RAP1GDS1: variants seen among roughly 807,000 people sequenced by gnomAD.
RAP1GDS1 encodes RAP1, GTP-GDP dissociation stimulator 1.
In RAP1GDS1, 35 loss-of-function variants were observed where a neutral mutation model predicts 71.1. The ratio of observed to expected loss-of-function variants is 0.49; its 90% CI spans 0.38 to 0.65. The LOEUF (loss-of-function observed/expected upper bound fraction) is 0.65. RAP1GDS1 is among the 30% of genes least tolerant of loss of function. The probability of loss-of-function intolerance (pLI) is 0.00; values close to 1 mark genes in which losing one functional copy is unlikely to be tolerated. For missense variants in RAP1GDS1, 663 were observed against 706.1 expected (o/e 0.94, Z 0.69); for synonymous variants, 229 against 243.1 (o/e 0.94, Z 0.54).
At chr4:98,439,238 T>C (rs960265883) in intron 14 of RAP1GDS1, among the ~76,000 whole-genome samples, 15 of 152,326 alleles carry the variant, frequency 9.8e-5, no homozygotes, top group African/African-American at 3.6e-4. Context: ...ACTTGAAAAC[T>C]ATTGTGCCAC....
intron 2 of RAP1GDS1, among the ~76,000 whole-genome samples, chr4:98,309,904 G>T (rs1014955480): frequency 6.6e-6 from 1 of 151,580 alleles, no homozygotes; most frequent in Non-Finnish European, 1.5e-5. Context: ...TATATAATGG[G>T]TTATATAATT....
intron 4 of RAP1GDS1, among the ~76,000 whole-genome samples, chr4:98,378,514 A>G (rs1194186970): frequency 6.6e-6 from 1 of 151,982 alleles, no homozygotes; most frequent in South Asian, 2.1e-4. Flanking sequence ...GTTACACCAT[A>G]TGGTTTTCTT....
intron 2 of RAP1GDS1, among the ~76,000 whole-genome samples, chr4:98,308,101 T>A (rs1384898074): frequency 6.6e-6 from 1 of 151,716 alleles, no homozygotes; most frequent in Non-Finnish European, 1.5e-5. Flanking sequence ...GAGACTAGCC[T>A]GGGCAGTAAA....
At chr4:98,399,155 T>C (rs1401870554) in intron 6 of RAP1GDS1, among the ~76,000 whole-genome samples, 1 of 152,054 alleles carries the variant, frequency 6.6e-6, no homozygotes, top group African/African-American at 2.4e-5. Flanking sequence ...CTTCAGGACA[T>C]TGGTCTAAGA....
At chr4:98,440,921 G>T (rs1051808362) in intron 14 of RAP1GDS1, among the ~76,000 whole-genome samples, 3 of 152,126 alleles carry the variant, frequency 2.0e-5, no homozygotes, top group African/African-American at 7.2e-5. Context: ...TCAAACTCCC[G>T]ACCTCAGGTG....
chr4:98,375,929 A>G (rs1390616942), intron 4 of RAP1GDS1, among the ~76,000 whole-genome samples: 1 of 152,056 alleles, frequency 6.6e-6, no homozygotes, highest in African/African-American at 2.4e-5. Context: ...CTTGTACCTG[A>G]TAATAGTGTT....
At chr4:98,372,483 T>C (rs1034084787) in intron 4 of RAP1GDS1, among the ~76,000 whole-genome samples, 18 of 152,218 alleles carry the variant, frequency 1.2e-4, no homozygotes, top group South Asian at 2.1e-4. Context: ...TGGCTTCTGA[T>C]GCCACTTTGT....
chr4:98,395,130 T>C (rs1744324067), intron 6 of RAP1GDS1, among the ~76,000 whole-genome samples: 1 of 152,166 alleles, frequency 6.6e-6, no homozygotes, highest in Admixed American at 6.5e-5. Flanking sequence ...TTGATGTACA[T>C]TCTTTTTAAA....
chr4:98,267,630 G>A (rs1722879813), intron 1 of RAP1GDS1, among the ~76,000 whole-genome samples: 1 of 152,128 alleles, frequency 6.6e-6, no homozygotes, highest in Non-Finnish European at 1.5e-5. Context: ...AATTTGCTTA[G>A]GATAGTGGCC....
chr4:98,293,374 G>T, intron 1 of RAP1GDS1, 34 bp from the exon 2 acceptor site: 1 of 1,425,608 alleles, frequency 7.0e-7, no homozygotes, highest in African/African-American at 1.4e-5. Flanking sequence ...TGGTCATAAG[G>T]TTGAGTTTCT....
At chr4:98,294,033 A>G (rs1727364844) in intron 2 of RAP1GDS1, among the ~76,000 whole-genome samples, 1 of 152,152 alleles carries the variant, frequency 6.6e-6, no homozygotes, top group Non-Finnish European at 1.5e-5. Flanking sequence ...ATCTTTTGAA[A>G]TTGGGGTAGG....
At position 98,276,057 on chromosome 4, in the gene RAP1GDS1, G is replaced by A. The variant is rs1230438164; in HGVS notation, c.4+14488G>A. 2.0e-5 allele frequency among the ~76,000 whole-genome samples: 3 copies of A among 152,030 alleles called. No individual in the cohort carries two copies. The East Asian group carries it at 5.8e-4, about 29-fold the overall frequency. ...AAACAACAGATTTTTTTTTCCCACA[G>A]TTCTGGTGACTGGGAAGTTCAAGAT... On this transcript the variant is annotated intron_variant, in intron 1 of 14. Transcript: ENST00000408927.
intron 7 of RAP1GDS1, among the ~76,000 whole-genome samples, chr4:98,413,210 A>T (rs905942173): frequency 2.1e-5 from 3 of 139,566 alleles, no homozygotes; most frequent in Non-Finnish European, 4.6e-5. Context: ...TTCCTTCCCC[A>T]GGGTATTACT....
chr4:98,329,695 A>G (rs113112895), intron 2 of RAP1GDS1, among the ~76,000 whole-genome samples: 5,296 of 151,182 alleles, frequency 0.035, 310 homozygotes, highest in African/African-American at 0.12. Context: ...AGGCTGAGGC[A>G]GGAGAATCAC....
intron 5 of RAP1GDS1, 36 bp downstream of exon 5, chr4:98,379,199 GA>G: frequency 4.0e-6 from 6 of 1,505,720 alleles, no homozygotes; most frequent in African/African-American, 1.4e-5. Flanking sequence ...ATCTCTGGGG[GA>G]AAAATTAAAA....
At chr4:98,378,259 G>A (rs1192698894) in intron 4 of RAP1GDS1, among the ~76,000 whole-genome samples, 1 of 151,838 alleles carries the variant, frequency 6.6e-6, no homozygotes, top group East Asian at 1.9e-4. Context: ...CTGTTTGTAT[G>A]TTCTGACAGT....
At chr4:98,281,883 T>C (rs960275514) in intron 1 of RAP1GDS1, among the ~76,000 whole-genome samples, 1 of 152,218 alleles carries the variant, frequency 6.6e-6, no homozygotes, top group African/African-American at 2.4e-5. Context: ...GTTTTTGTCA[T>C]TGGTTCTGTT....
At chr4:98,434,383 C>G (rs1172341371) in intron 13 of RAP1GDS1, among the ~76,000 whole-genome samples, 3 of 152,170 alleles carry the variant, frequency 2.0e-5, no homozygotes, top group African/African-American at 7.2e-5. Context: ...TAGAATATGA[C>G]AGCATATGAA....
At chr4:98,290,056 T>G (rs1040675008) in intron 1 of RAP1GDS1, among the ~76,000 whole-genome samples, 1 of 152,136 alleles carries the variant, frequency 6.6e-6, no homozygotes, top group Admixed American at 6.6e-5. Context: ...CAGTTAGCAG[T>G]TCTTGTGTAC....
Sources: allele counts gnomAD v4.1 joint callset (sites outside exome capture counted in the v4.1 genomes callset), GRCh38; gene constraint gnomAD v4.1.1; transcripts MANE v1.5; gene names NCBI Gene and HGNC (gene_info 2026-07-23, HGNC 2026-07-21).